Variants in SYNE2 observed in about 807,000 individuals in gnomAD.
SYNE2 encodes nesprin-2.
In SYNE2, 431 loss-of-function variants were observed where a neutral mutation model predicts 856.3. The observed-to-expected ratio is 0.50, with a 90% confidence interval of 0.47 to 0.55. SYNE2 has a LOEUF of 0.55. Ranked by LOEUF, SYNE2 falls within the 20% of genes least tolerant of loss-of-function variation. The probability of loss-of-function intolerance (pLI) is 0.00; values close to 1 mark genes in which losing one functional copy is unlikely to be tolerated. For synonymous variants in SYNE2, 2,923 were observed against 2,872.3 expected (o/e 1.02, Z -0.56); for missense variants, 8,129 against 8,023.2 (o/e 1.01, Z -0.50).
chr14:64,133,455 A>T (rs577281832), intron 77 of SYNE2, among the ~76,000 whole-genome samples: 1 of 152,216 alleles, frequency 6.6e-6, no homozygotes, highest in South Asian at 2.1e-4. Flanking sequence ...GGAGTCAATA[A>T]CTCAGCTCTG....
rs922369950 is a variant in SYNE2, at chr14:64,121,032, A to C, written c.13129A>C (p.Ser4377Arg). The C allele has an allele frequency of 1.2e-6, 2 of 1,614,052 alleles. No individual in the cohort carries two copies. The highest frequency in any genetic ancestry group is 1.7e-6 in the Non-Finnish European group (2 of 1,180,012). The change falls in exon 68 of 116, where the codon AGC (serine) becomes CGC (arginine). Residue 4377 changes from serine to arginine, a missense_variant. Coordinates refer to ENST00000555002, the MANE Select transcript of SYNE2 (RefSeq NM_182914.3). Reference protein sequence around the residue: ...ESIVTERPQFSRQKDFQQQQV... With the variant: ...ESIVTERPQFRRQKDFQQQQV... The stretch of plus-strand genomic sequence containing the variant: ...CATTGTAACTGAAAGGCCACAATTC[A>C]GCAGACAAAAAGATTTCCAGCAGCA...
chr14:64,223,285 A>G lies in SYNE2; in HGVS notation c.20287A>G (p.Ile6763Val), dbSNP rs750495899. The G allele has an allele frequency of 6.2e-7, 1 of 1,614,250 alleles. No individual in the cohort carries two copies. The highest frequency in any genetic ancestry group is 1.1e-5 in the South Asian group (1 of 91,076). Reference sequence around the variant, plus strand: ...CATTAAGGGACATGGAGAAGACTGTATTGAAGCTGAAGAAAAGGTGCATGT... The same window carrying G: ...CATTAAGGGACATGGAGAAGACTGTGTTGAAGCTGAAGAAAAGGTGCATGT... ...LLIKGHGEDCIEAEEKVHVIE... is the reference protein window; with the variant it reads ...LLIKGHGEDCVEAEEKVHVIE... The change falls in exon 113 of 116, where the codon ATT becomes GTT. Residue 6763 changes from isoleucine to valine, a missense_variant. Physicochemically the swap from Ile to Val is conservative, Grantham distance 29 (BLOSUM62 3). This residue lies in a region of SYNE2 where 5,410 missense variants were observed against 5,284.8 expected (regional missense o/e 1.02). Transcript: ENST00000555002.
chr14:64,121,891 G>T (rs1055547228), intron 68 of SYNE2, 121 bp from the exon 69 acceptor site: 17 of 1,329,404 alleles, frequency 1.3e-5, no homozygotes, highest in Non-Finnish European at 1.7e-5. Context: ...GCAAGAAAGA[G>T]AAATAGTAAT....
rs576074379 is a variant in SYNE2 at position 64,111,644 on chromosome 14, C to A, written c.12610-1697C>A. Among the ~76,000 whole-genome samples the A allele has an allele frequency of 3.7e-4, 56 of 151,980 alleles. 1 individual carries two copies. The highest frequency in any genetic ancestry group is 1.3e-3 in the African/African-American group (52 of 41,484). On this transcript the variant is annotated intron_variant, in intron 65 of 115. Transcript: ENST00000555002. The stretch of plus-strand genomic sequence containing the variant: ...CAAAACCCTGCCTCTACTAAAAATA[C>A]AAAATTAGCCAGGTATGGTGGTGTG...
At chr14:63,847,673 C>T (rs1399006326) in intron 1 of SYNE2, among the ~76,000 whole-genome samples, 2 of 150,746 alleles carry the variant, frequency 1.3e-5, no homozygotes, top group South Asian at 2.1e-4. Flanking sequence ...GCAACCTCTG[C>T]CTCCTGGGTT....
rs776571728 is a variant in SYNE2 at position 64,211,984 on chromosome 14, A to G, written c.18747A>G (p.Glu6249=). 1.2e-6 allele frequency: 2 copies of G among 1,614,160 alleles called. No homozygotes were observed. Among genetic ancestry groups the G allele is most frequent in the Non-Finnish European group, 1.7e-6 (2 of 1,180,044 alleles). The change falls in exon 104 of 116, where the codon GAA becomes GAG. Residue 6249 remains glutamate, a synonymous_variant. Transcript: ENST00000555002. ...AGCATTTCACCAACCAGAGGGAAGA[A>G]TTTGAGGGCACCAGGGAGAGCATTC... ...RLRHFTNQRE[E]FEGTRESILV... is the part of the protein sequence containing the mutation.
rs79924257 is a variant in SYNE2, at chr14:64,079,692, C to G, written c.11164-764C>G. ...TTCTGCCTCTGCATTCATCCCAAGT[C>G]AGCAGATAATTTTCTTTTCTTTTTT... On this transcript the variant is annotated intron_variant, in intron 55 of 115. Transcript: ENST00000555002. Among the ~76,000 whole-genome samples the G allele has an allele frequency of 1.0e-3, 158 of 152,260 alleles. 2 individuals are homozygous for G. The East Asian group carries it at 0.016, about 15-fold the overall frequency.
intron 111 of SYNE2, 104 bp downstream of exon 111, chr14:64,220,741 T>C: frequency 7.5e-7 from 1 of 1,332,532 alleles, no homozygotes; most frequent in Non-Finnish European, 1.0e-6. Context: ...TGCAGCCAAA[T>C]GTGGCTGGTG....
chr14:63,812,176 G>A (rs908580299), intron 1 of SYNE2, among the ~76,000 whole-genome samples: 3 of 152,132 alleles, frequency 2.0e-5, no homozygotes, highest in East Asian at 1.9e-4. Context: ...CTCCCAGAGC[G>A]GCCGTTTATA....
chr14:63,840,512 CTT>C (rs779817027), intron 1 of SYNE2, among the ~76,000 whole-genome samples: 7 of 120,414 alleles, frequency 5.8e-5, no homozygotes, highest in Admixed American at 9.2e-5. Flanking sequence ...TCCTTCCTTC[CTT>C]TTTTTTTTTT....
chr14:63,820,719 A>T (rs1889180701), intron 1 of SYNE2, among the ~76,000 whole-genome samples: 2 of 151,506 alleles, frequency 1.3e-5, no homozygotes, highest in South Asian at 4.2e-4. Context: ...TGGATGAGCT[A>T]GGTGGGGAAT....
At chr14:63,790,099 A>T (rs569175908) in intron 1 of SYNE2, among the ~76,000 whole-genome samples, 21 of 152,300 alleles carry the variant, frequency 1.4e-4, no homozygotes, top group African/African-American at 5.1e-4. Flanking sequence ...TGGAAGCCCA[A>T]GGTGGGCCAA....
chr14:64,188,175 T>A (rs1166102685), intron 97 of SYNE2, among the ~76,000 whole-genome samples: 1 of 152,222 alleles, frequency 6.6e-6, no homozygotes, highest in Non-Finnish European at 1.5e-5. Flanking sequence ...AAATAGGACA[T>A]TGTCCTTATG....
chr14:63,814,654 A>G (rs1182293512), intron 1 of SYNE2, among the ~76,000 whole-genome samples: 1 of 96,158 alleles, frequency 1.0e-5, no homozygotes, highest in East Asian at 2.5e-4. Context: ...ATTATATATA[A>G]TCCTTATATA....
intron 74 of SYNE2, 98 bp downstream of exon 74, chr14:64,128,651 C>T: frequency 2.5e-6 from 2 of 791,684 alleles, no homozygotes; most frequent in Non-Finnish European, 2.3e-6. Flanking sequence ...TGAGCAGCAG[C>T]AAGGCTTAAG....
chr14:64,090,923 C>G lies in SYNE2; in HGVS notation c.11851C>G (p.Gln3951Glu). 1 of 1,614,048 alleles carries G rather than the reference C, an allele frequency of 6.2e-7. No individual in the cohort carries two copies. Among genetic ancestry groups the G allele is most frequent in the Non-Finnish European group, 8.5e-7 (1 of 1,179,982 alleles). ...KKTIAEIVSY[Q>E]VELRLPQTGM... ...AACCATTGCTGAGATAGTGTCTTAC[C>G]AAGTGGAACTGAGGTTGCCCCAAAC... is the stretch of plus-strand genomic sequence containing the variant. The change falls in exon 60 of 116, where the codon CAA becomes GAA. Residue 3951 changes from glutamine (Q) to glutamate (E), a missense_variant. Transcript: ENST00000555002.
chr14:63,796,456 CA>C lies in SYNE2; in HGVS notation c.-305+34478del, dbSNP rs34101321. On this transcript the variant is annotated intron_variant, in intron 1 of 23. Transcript: ENST00000674003. ...TGGGCAACAGAGCAAGACTCTGCCT[CA>C]AAAAAAATTTTTGTTTTGATGAGAT... Among the ~76,000 whole-genome samples the C allele has an allele frequency of 1.0e-2, 1,510 of 151,570 alleles. 23 individuals are homozygous for C. Among genetic ancestry groups the C allele is most frequent in the African/African-American group, 0.035 (1,436 of 41,272 alleles).
chr14:63,816,277 A>G (rs891883404), intron 1 of SYNE2, among the ~76,000 whole-genome samples: 6 of 151,998 alleles, frequency 3.9e-5, no homozygotes, highest in African/African-American at 1.4e-4. Context: ...ATAGAGGCCT[A>G]ATTTTGGTGG....
chr14:63,967,662 A>T, intron 10 of SYNE2, 47 bp from the exon 11 acceptor site: 1 of 1,583,810 alleles, frequency 6.3e-7, no homozygotes, highest in South Asian at 1.1e-5. Context: ...ATATGATATA[A>T]ATGGAATTAA....
Sources: allele counts gnomAD v4.1 joint callset (sites outside exome capture counted in the v4.1 genomes callset), GRCh38; gene constraint gnomAD v4.1.1; regional missense constraint gnomAD v4.1.1; transcripts MANE v1.5; gene names NCBI Gene and HGNC (gene_info 2026-07-23, HGNC 2026-07-21).